Variants in CNTN5 observed in about 807,000 individuals in gnomAD.
CNTN5 encodes the protein contactin 5, also known as contactin-5.
In CNTN5, 77 loss-of-function variants were observed where a neutral mutation model predicts 129.1. The observed-to-expected ratio is 0.60, with a 90% CI of 0.50 to 0.72. The LOEUF is 0.72. CNTN5 is among the 30% of genes least tolerant of loss of function. CNTN5 has a pLI of 0.00. For synonymous variants in CNTN5, 509 were observed against 465.6 expected (o/e 1.09, Z -1.20); for missense variants, 1,478 against 1,328.8 (o/e 1.11, Z -1.75).
intron 4 of CNTN5, among the ~76,000 whole-genome samples, chr11:99,837,273 A>T (rs567969733): frequency 6.6e-6 from 1 of 152,172 alleles, no homozygotes; most frequent in African/African-American, 2.4e-5. Context: ...TTTTATTTTA[A>T]TGTAATATTA....
At chr11:99,117,888 G>A (rs1033647983) in intron 1 of CNTN5, among the ~76,000 whole-genome samples, 8 of 152,162 alleles carry the variant, frequency 5.3e-5, no homozygotes, top group Non-Finnish European at 1.0e-4. Flanking sequence ...CTCCAGAACT[G>A]TGGGAAATAA....
intron 13 of CNTN5, among the ~76,000 whole-genome samples, chr11:100,154,610 A>G (rs1947174146): frequency 6.6e-6 from 1 of 152,112 alleles, no homozygotes; most frequent in South Asian, 2.1e-4. Flanking sequence ...TGTCTTCCAC[A>G]ATGGTTGAAT....
At chr11:99,624,852 T>G (rs1790263) in intron 3 of CNTN5, among the ~76,000 whole-genome samples, 92,939 of 151,962 alleles carry the variant, frequency 0.61, 29,310 homozygotes, top group Admixed American at 0.74. Context: ...GTCAGGAAGA[T>G]AGAATATGGA....
Position 100,114,752 on chromosome 11 carries a change from T to C in CNTN5, c.1580+40458T>C, listed in dbSNP as rs75885944. Among the ~76,000 whole-genome samples the C allele has an allele frequency of 2.2e-4, 33 of 152,232 alleles. 1 individual carries two copies. The East Asian group carries it at 6.4e-3, about 29-fold the overall frequency. ...CATTCAACAAATCTCGCTCATCCTT[T>C]AAGACTCAATTTACATGTCATCTCA... On this transcript the variant is annotated intron_variant, in intron 13 of 24. Transcript: ENST00000524871.
intron 2 of CNTN5, among the ~76,000 whole-genome samples, chr11:99,527,360 CT>C (rs1354794065): frequency 6.6e-6 from 1 of 152,156 alleles, no homozygotes; most frequent in Admixed American, 6.5e-5. Flanking sequence ...AATGTGATCC[CT>C]AGGTTAAATA....
Position 99,840,933 on chromosome 11 carries a change from G to A in CNTN5, c.278-3919G>A, listed in dbSNP as rs183566165. ...CAGAATGAATAAAAAATGTATCTCA[G>A]TATATCTATAATCTCTTTACAGTAG... On this transcript the variant is annotated intron_variant, in intron 4 of 24. Transcript: ENST00000524871. Among the ~76,000 whole-genome samples the A allele has an allele frequency of 2.0e-5, 3 of 152,228 alleles. No individual in the cohort carries two copies. The East Asian group carries it at 5.8e-4, about 29-fold the overall frequency.
At chr11:99,477,125 A>T (rs146901915) in intron 2 of CNTN5, among the ~76,000 whole-genome samples, 3,275 of 152,076 alleles carry the variant, frequency 0.022, 52 homozygotes, top group Middle Eastern at 0.058. Flanking sequence ...AAAAATATTT[A>T]GTTAATATCC....
At chr11:100,205,499 G>T (rs1348942904) in intron 15 of CNTN5, among the ~76,000 whole-genome samples, 1 of 151,914 alleles carries the variant, frequency 6.6e-6, no homozygotes, top group Non-Finnish European at 1.5e-5. Context: ...TTATATAAGA[G>T]ACCTGGAAAA....
intron 3 of CNTN5, among the ~76,000 whole-genome samples, chr11:99,647,209 A>G (rs2458169): frequency 6.6e-6 from 1 of 151,948 alleles, no homozygotes; most frequent in Non-Finnish European, 1.5e-5. Context: ...CAGTCTATTT[A>G]GTGCTTCAAT....
At chr11:100,220,052 T>C (rs1591405287) in intron 15 of CNTN5, among the ~76,000 whole-genome samples, 2 of 151,486 alleles carry the variant, frequency 1.3e-5, no homozygotes, top group Admixed American at 6.6e-5. Context: ...CTGAGGTGGG[T>C]GGATCATGAG....
At chr11:99,706,043 A>G (rs1365409440) in intron 3 of CNTN5, among the ~76,000 whole-genome samples, 1 of 151,522 alleles carries the variant, frequency 6.6e-6, no homozygotes, top group Non-Finnish European at 1.5e-5. Flanking sequence ...TTTGTTAAAT[A>G]TTTAATAACT....
At chr11:99,261,234 A>G (rs541392978) in intron 1 of CNTN5, among the ~76,000 whole-genome samples, 1 of 152,132 alleles carries the variant, frequency 6.6e-6, no homozygotes, top group African/African-American at 2.4e-5. Context: ...ATAAGTAATA[A>G]GAAAATTGAA....
chr11:99,766,963 C>T (rs76682368), intron 3 of CNTN5, among the ~76,000 whole-genome samples: 2,263 of 152,144 alleles, frequency 0.015, 52 homozygotes, highest in African/African-American at 0.052. Context: ...TTGCTTATCA[C>T]TCCATGTCAT....
At chr11:99,194,158 G>C (rs1858786743) in intron 1 of CNTN5, among the ~76,000 whole-genome samples, 1 of 152,010 alleles carries the variant, frequency 6.6e-6, no homozygotes, top group African/African-American at 2.4e-5. Flanking sequence ...AAATAGATTT[G>C]AGGAAATCCT....
At chr11:99,978,901 A>G (rs1160528802) in intron 8 of CNTN5, among the ~76,000 whole-genome samples, 2 of 152,140 alleles carry the variant, frequency 1.3e-5, no homozygotes, top group East Asian at 3.9e-4. Flanking sequence ...GCATCATTTA[A>G]AGAAATCTAT....
At chr11:99,980,476 C>A (rs1776575629) in intron 8 of CNTN5, among the ~76,000 whole-genome samples, 1 of 152,166 alleles carries the variant, frequency 6.6e-6, no homozygotes, top group Non-Finnish European at 1.5e-5. Flanking sequence ...TGAATACTTA[C>A]TGTGGGTACA....
intron 1 of CNTN5, among the ~76,000 whole-genome samples, chr11:99,071,302 A>C (rs1865331499): frequency 6.6e-6 from 1 of 152,112 alleles, no homozygotes; most frequent in Non-Finnish European, 1.5e-5. Context: ...CTGTCATGTA[A>C]AACACACTAA....
rs546155584 is a variant in CNTN5 at position 100,058,657 on chromosome 11, T to C, written c.981-2555T>C. Among the ~76,000 whole-genome samples, 3 of 152,258 alleles carry C rather than the reference T, an allele frequency of 2.0e-5. No individual in the cohort carries two copies. In the South Asian group the frequency reaches 6.2e-4, roughly 32 times the overall value. On this transcript the variant is annotated intron_variant, in intron 9 of 24. Coordinates refer to ENST00000524871, the MANE Select transcript of CNTN5 (RefSeq NM_014361.4). ...CCAGCAACTTCAATTTTATGTTTTA[T>C]TCCTAAGGAATAAAGCAGAAAGGTA...
At chr11:99,578,753 C>T (rs929755595) in intron 3 of CNTN5, among the ~76,000 whole-genome samples, 38 of 151,770 alleles carry the variant, frequency 2.5e-4, no homozygotes, top group East Asian at 7.7e-4. Context: ...GAGTAGGTTG[C>T]AAAAATTTTC....
Sources: gnomAD v4.1 joint callset for allele counts (sites outside exome capture counted in the v4.1 genomes callset) on GRCh38, gnomAD v4.1.1 for gene constraint, MANE v1.5 for transcripts, NCBI Gene and HGNC (gene_info 2026-07-23, HGNC 2026-07-21) for gene names.